The following ARRDC5 variants were observed in gnomAD, a reference collection of about 807,000 sequenced individuals.
ARRDC5 encodes arrestin domain-containing protein 5.
ARRDC5 carries 12 observed loss-of-function variants against 13.3 expected under a neutral mutation model. The ratio of observed to expected loss-of-function variants is 0.90; its 90% CI spans 0.58 to 1.46. The LOEUF (loss-of-function observed/expected upper bound fraction) is 1.46, where lower values mean the gene tolerates loss of function less well. Among genes scored for constraint, ARRDC5 ranks in the 40% most tolerant of loss-of-function variants. The pLI is 0.00. For missense variants in ARRDC5, 406 were observed against 418.7 expected (o/e 0.97, Z 0.26); for synonymous variants, 181 against 173.4 (o/e 1.04, Z -0.34).
At chr19:4,895,410 G>A (rs1372992982) in intron 2 of ARRDC5, among the ~76,000 whole-genome samples, 10 of 107,166 alleles carry the variant, frequency 9.3e-5, no homozygotes, top group African/African-American at 3.2e-4. Context: ...GTGACAAAGT[G>A]AGACTCCGTC....
chr19:4,896,313 CAAAAAAAA>C lies in ARRDC5; in HGVS notation c.459+350_459+357del, dbSNP rs559677827. 4.5e-3 allele frequency among the ~76,000 whole-genome samples: 244 copies of C among 54,102 alleles called. 11 individuals carry two copies. Among genetic ancestry groups the C allele is most frequent in the African/African-American group, 0.017 (229 of 13,506 alleles). The allele number at this position is 54,102 out of a possible 152,430, so 35.5% of individuals were successfully genotyped here. On this transcript the variant is annotated intron_variant, in intron 2 of 2. Coordinates refer to ENST00000650722, the MANE Select transcript of ARRDC5 (RefSeq NM_001080523.3). ...CTGGTGACAGAGCGAGACTGCATCT[CAAAAAAAA>C]AAAAAAAAATATATATATATATATA...
intron 1 of ARRDC5, among the ~76,000 whole-genome samples, chr19:4,900,472 T>C (rs2031881103): frequency 6.6e-6 from 1 of 152,164 alleles, no homozygotes; most frequent in African/African-American, 2.4e-5. Flanking sequence ...CTAAGCGCTT[T>C]ATGTGCCATT....
At chr19:4,905,476 C>T (rs2146265442), upstream of ARRDC5, among the ~76,000 whole-genome samples, 1 of 150,940 alleles carries the variant, frequency 6.6e-6, no homozygotes, top group African/African-American at 2.4e-5. Flanking sequence ...TTTTTTAGCT[C>T]ATCAGGTATT....
At chr19:4,909,229 C>T in the ARRDC5 span, 3 of 499,780 alleles carry the variant, frequency 6.0e-6, no homozygotes, top group Middle Eastern at 2.9e-4. Flanking sequence ...CCTGGGGGTC[C>T]CCAAGGCTCC....
At chr19:4,909,869 G>T in the ARRDC5 span, 1 of 381,620 alleles carries the variant, frequency 2.6e-6, no homozygotes, top group Non-Finnish European at 4.6e-6. Flanking sequence ...CCGGAGCCCG[G>T]CGGGGGGTCG....
upstream of ARRDC5, among the ~76,000 whole-genome samples, chr19:4,907,014 A>C (rs2032077913): frequency 1.3e-5 from 2 of 152,210 alleles, no homozygotes; most frequent in Non-Finnish European, 2.9e-5. Context: ...CTGAGGTTGC[A>C]AACAGTGAAC....
rs751292533 is a variant in ARRDC5 at position 4,891,039 on chromosome 19, C to T, written c.*7G>A. On this transcript the variant is annotated 3_prime_UTR_variant, in exon 3 of 3. Transcript: ENST00000650722. ...ATAAAGCTTTTAATATTTAAAAGTT[C>T]GGGCACTTAATTCTGGTGATCTGGG... 8.7e-6 allele frequency: 14 copies of T among 1,601,510 alleles called. No homozygotes were observed. The highest frequency in any genetic ancestry group is 4.0e-5 in the African/African-American group (3 of 74,474).
intron 1 of ARRDC5, among the ~76,000 whole-genome samples, chr19:4,898,504 G>C (rs1233197465): frequency 2.6e-5 from 4 of 152,164 alleles, no homozygotes; most frequent in South Asian, 4.1e-4. Flanking sequence ...TGGAATTACA[G>C]GTGTGTACCA....
chr19:4,898,101 T>C (rs2031794824), intron 1 of ARRDC5, among the ~76,000 whole-genome samples: 1 of 151,810 alleles, frequency 6.6e-6, no homozygotes, highest in Admixed American at 6.6e-5. Flanking sequence ...AATAAATAAA[T>C]AAATAAACAA....
intron 1 of ARRDC5, among the ~76,000 whole-genome samples, chr19:4,902,082 G>A (rs2031938120): frequency 6.6e-6 from 1 of 152,092 alleles, no homozygotes; most frequent in African/African-American, 2.4e-5. Context: ...TAGAGATGGG[G>A]TTTCGCTATA....
upstream of ARRDC5, among the ~76,000 whole-genome samples, chr19:4,904,897 G>T (rs2146264679): frequency 6.6e-6 from 1 of 152,188 alleles, no homozygotes; most frequent in Middle Eastern, 3.4e-3. Context: ...TGAGAGGGAG[G>T]GACATTGAAT....
chr19:4,891,933 C>T (rs2031526503), intron 2 of ARRDC5, among the ~76,000 whole-genome samples: 1 of 135,862 alleles, frequency 7.4e-6, no homozygotes, highest in Non-Finnish European at 1.5e-5. Context: ...TCAGCCAGGG[C>T]TACAGAGCAA....
chr19:4,911,056 A>C, the ARRDC5 span: 1 of 1,556,594 alleles, frequency 6.4e-7, no homozygotes, highest in Non-Finnish European at 8.7e-7. Flanking sequence ...CGCCGCCAGC[A>C]CCTTTGTTCT....
At chr19:4,892,698 T>C (rs1287844774) in intron 2 of ARRDC5, among the ~76,000 whole-genome samples, 3 of 152,118 alleles carry the variant, frequency 2.0e-5, no homozygotes, top group African/African-American at 7.2e-5. Context: ...CATAGCAAAT[T>C]GTTATTTCTG....
rs570096712 is a variant in ARRDC5 at position 4,894,467 on chromosome 19, C to T, written c.459+2204G>A. 2.0e-3 allele frequency among the ~76,000 whole-genome samples: 253 copies of T among 129,374 alleles called. 1 individual carries two copies. Among genetic ancestry groups the T allele is most frequent in the African/African-American group, 6.6e-3 (226 of 34,348 alleles). The allele number at this position is 129,374 out of a possible 152,430, so 84.9% of individuals were successfully genotyped here. A position where few individuals can be genotyped will look rare whatever the true frequency, so the allele number is the denominator to read the frequency against. ...TGGAGCTTGCAGTGAGCCGAGATCC[C>T]GCCACTGCACTCCAGCCTGGGCGAC... On this transcript the variant is annotated intron_variant, in intron 2 of 2. Transcript: ENST00000650722.
chr19:4,900,986 T>C (rs1438548063), intron 1 of ARRDC5, among the ~76,000 whole-genome samples: 2 of 150,688 alleles, frequency 1.3e-5, no homozygotes, highest in East Asian at 3.9e-4. Flanking sequence ...GCCACTGCAC[T>C]CCAGCCTGGG....
At chr19:4,905,498 T>G (rs2032048629), upstream of ARRDC5, among the ~76,000 whole-genome samples, 1 of 151,330 alleles carries the variant, frequency 6.6e-6, no homozygotes, top group Non-Finnish European at 1.5e-5. Context: ...TTAGTGTTAG[T>G]GTATTTTATT....
At chr19:4,904,446 T>C (rs918444499), upstream of ARRDC5, among the ~76,000 whole-genome samples, 2 of 152,206 alleles carry the variant, frequency 1.3e-5, no homozygotes, top group African/African-American at 2.4e-5. Context: ...CCCAAAGTGC[T>C]GGGATTACAG....
chr19:4,905,851 T>C (rs2032055246), upstream of ARRDC5, among the ~76,000 whole-genome samples: 1 of 152,120 alleles, frequency 6.6e-6, no homozygotes, highest in Non-Finnish European at 1.5e-5. Flanking sequence ...CCCAAGACAA[T>C]TCTTCTTCCA....
Sources: gnomAD v4.1 joint callset for allele counts (sites outside exome capture counted in the v4.1 genomes callset) on GRCh38, gnomAD v4.1.1 for gene constraint, MANE v1.5 for transcripts, NCBI Gene and HGNC (gene_info 2026-07-23, HGNC 2026-07-21) for gene names.